LARGE1: variants seen among roughly 807,000 people sequenced by gnomAD.
LARGE1 encodes the protein xylosyl- and glucuronyltransferase LARGE1.
In LARGE1, 43 loss-of-function variants were observed where a neutral mutation model predicts 87.6. That is an observed-to-expected ratio of 0.49 (90% CI 0.38 to 0.63). The LOEUF is 0.63. Ranked by LOEUF, LARGE1 falls within the 30% of genes least tolerant of loss-of-function variation. The pLI is 0.00. For missense variants in LARGE1, 802 were observed against 1,000.2 expected (o/e 0.80, Z 2.67); for synonymous variants, 434 against 394.6 (o/e 1.10, Z -1.18).
intron 1 of LARGE1, among the ~76,000 whole-genome samples, chr22:33,899,398 C>G (rs1191904709): frequency 6.6e-6 from 1 of 152,188 alleles, no homozygotes; most frequent in African/African-American, 2.4e-5. Flanking sequence ...TCTAACCAAA[C>G]AATGCATCAG....
At chr22:33,518,850 A>G (rs146364171) in intron 6 of LARGE1, among the ~76,000 whole-genome samples, 238 of 152,218 alleles carry the variant, frequency 1.6e-3, no homozygotes, top group African/African-American at 5.2e-3. Flanking sequence ...TTCTGATCAC[A>G]TCCTGACATA....
At chr22:33,096,887 T>C in the LARGE1 span, among the ~76,000 whole-genome samples, 1 of 152,186 alleles carries the variant, frequency 6.6e-6, no homozygotes, top group Non-Finnish European at 1.5e-5. Context: ...TTTTAAAGTA[T>C]CTGGGTCTAT....
chr22:33,641,272 C>T (rs2080423159), intron 3 of LARGE1, among the ~76,000 whole-genome samples: 2 of 152,134 alleles, frequency 1.3e-5, no homozygotes, highest in African/African-American at 2.4e-5. Flanking sequence ...AGTGGACCTC[C>T]ACCAAACTCC....
At chr22:33,659,819 A>C (rs2081068316) in intron 2 of LARGE1, among the ~76,000 whole-genome samples, 1 of 151,834 alleles carries the variant, frequency 6.6e-6, no homozygotes, top group Non-Finnish European at 1.5e-5. Flanking sequence ...CCAGGGAAAG[A>C]GGCCTGGATT....
At chr22:33,337,832 T>C (rs375706567) in intron 9 of LARGE1, 31 bp from the exon 10 acceptor site, 22 of 1,613,390 alleles carry the variant, frequency 1.4e-5, no homozygotes, top group Non-Finnish European at 1.7e-5. Flanking sequence ...TGGTCAGGTA[T>C]GGCAGGGGTG....
intron 1 of LARGE1, among the ~76,000 whole-genome samples, chr22:33,770,913 T>A (rs949398067): frequency 2.5e-4 from 38 of 152,100 alleles, no homozygotes; most frequent in Admixed American, 2.2e-3. Context: ...TCCTCTCCAC[T>A]TACTTCCATG....
intron 9 of LARGE1, among the ~76,000 whole-genome samples, chr22:33,339,413 G>T (rs1177554725): frequency 6.6e-6 from 1 of 152,040 alleles, no homozygotes; most frequent in Non-Finnish European, 1.5e-5. Context: ...GTGGGGTCAT[G>T]CCCTGGACCT....
At chr22:33,437,715 A>G (rs544173019) in intron 6 of LARGE1, among the ~76,000 whole-genome samples, 29 of 152,212 alleles carry the variant, frequency 1.9e-4, no homozygotes, top group African/African-American at 5.8e-4. Flanking sequence ...TCAGCTTAGT[A>G]TCGATTGAGG....
At chr22:33,376,734 G>T (rs2065006355) in intron 9 of LARGE1, among the ~76,000 whole-genome samples, 1 of 152,052 alleles carries the variant, frequency 6.6e-6, no homozygotes, top group Non-Finnish European at 1.5e-5. Flanking sequence ...ATTTTACTTT[G>T]CATTTTTCTC....
At chr22:33,574,364 A>G (rs1252504144) in intron 5 of LARGE1, among the ~76,000 whole-genome samples, 1 of 152,188 alleles carries the variant, frequency 6.6e-6, no homozygotes, top group African/African-American at 2.4e-5. Flanking sequence ...ACCTAATAAA[A>G]TGTAAAAATT....
chr22:33,615,851 G>A (rs975216437), intron 4 of LARGE1, among the ~76,000 whole-genome samples: 1 of 152,102 alleles, frequency 6.6e-6, no homozygotes, highest in African/African-American at 2.4e-5. Context: ...AATAAAAATT[G>A]AGCAAAGGAT....
At chr22:33,794,000 C>T (rs2085902119) in intron 1 of LARGE1, among the ~76,000 whole-genome samples, 2 of 150,814 alleles carry the variant, frequency 1.3e-5, no homozygotes, top group African/African-American at 4.8e-5. Flanking sequence ...CCTACAACTG[C>T]AGGGAAAATA....
intron 6 of LARGE1, among the ~76,000 whole-genome samples, chr22:33,444,398 T>C (rs941852335): frequency 2.0e-5 from 3 of 152,224 alleles, no homozygotes; most frequent in African/African-American, 7.2e-5. Context: ...TAGTATTCCT[T>C]TCTTCTTTTT....
intron 6 of LARGE1, chr22:33,562,939 GAGCTCTTGAGAAC>G (rs2077904116): frequency 2.6e-5 from 4 of 152,620 alleles, no homozygotes; most frequent in Admixed American, 1.3e-4. Context: ...TTATTAGAGA[GAGCTCTTGAGAAC>G]AGCACCTATG....
chr22:33,613,101 CCCT>C (rs761409357), intron 4 of LARGE1, among the ~76,000 whole-genome samples: 26 of 152,230 alleles, frequency 1.7e-4, no homozygotes, highest in South Asian at 6.2e-4. Flanking sequence ...ACACATGAGC[CCCT>C]CAGCCCAGGT....
At chr22:33,607,509 A>T (rs2079301477) in intron 4 of LARGE1, among the ~76,000 whole-genome samples, 1 of 151,552 alleles carries the variant, frequency 6.6e-6, no homozygotes, top group South Asian at 2.1e-4. Flanking sequence ...AAGAGCAACA[A>T]GGAAGCTGGA....
chr22:33,084,945 T>A, the LARGE1 span, among the ~76,000 whole-genome samples: 1 of 152,198 alleles, frequency 6.6e-6, no homozygotes, highest in Non-Finnish European at 1.5e-5. Flanking sequence ...CAAAAATATT[T>A]TATCTATATT....
intron 6 of LARGE1, among the ~76,000 whole-genome samples, chr22:33,458,383 C>T (rs1232802733): frequency 6.6e-5 from 10 of 151,896 alleles, no homozygotes; most frequent in East Asian, 1.9e-4. Context: ...GGATTACAGG[C>T]GTGAGCCACC....
intron 3 of LARGE1, among the ~76,000 whole-genome samples, chr22:33,649,454 A>G (rs1454260193): frequency 2.0e-5 from 3 of 152,240 alleles, no homozygotes; most frequent in Non-Finnish European, 4.4e-5. Flanking sequence ...GTAAAAACTA[A>G]CCATAATTTT....
Sources: gnomAD v4.1 joint callset for allele counts (sites outside exome capture counted in the v4.1 genomes callset) on GRCh38, gnomAD v4.1.1 for gene constraint, MANE v1.5 for transcripts, NCBI Gene and HGNC (gene_info 2026-07-23, HGNC 2026-07-21) for gene names.